ALK: variants seen among roughly 807,000 people sequenced by gnomAD.
ALK encodes ALK tyrosine kinase receptor.
A neutral mutation model predicts 163.1 loss-of-function variants in ALK; 74 were observed. The ratio of observed to expected loss-of-function variants is 0.45; its 90% CI spans 0.38 to 0.55. The LOEUF is 0.55. ALK is among the 20% of genes least tolerant of loss of function. The pLI, the probability that ALK is intolerant of heterozygous loss-of-function variation, is 0.00. For missense variants in ALK, 2,063 were observed against 2,105.3 expected (o/e 0.98, Z 0.39); for synonymous variants, 960 against 843.2 (o/e 1.14, Z -2.40).
intron 5 of ALK, among the ~76,000 whole-genome samples, chr2:29,345,294 G>A (rs1314017144): frequency 6.6e-6 from 1 of 152,004 alleles, no homozygotes; most frequent in Non-Finnish European, 1.5e-5. Flanking sequence ...TACCTGGGAG[G>A]CTGAGGTGGG....
chr2:29,256,200 A>T (rs1451744064), intron 11 of ALK, among the ~76,000 whole-genome samples: 2 of 152,182 alleles, frequency 1.3e-5, no homozygotes, highest in African/African-American at 4.8e-5. Context: ...GTGAGCCTTG[A>T]TCCCCAGGTA....
chr2:29,832,532 C>T (rs190974906), intron 1 of ALK, among the ~76,000 whole-genome samples: 5 of 152,346 alleles, frequency 3.3e-5, no homozygotes, highest in African/African-American at 9.6e-5. Flanking sequence ...CACGAATGCC[C>T]TACATTTCTG....
At chr2:29,374,653 G>A (rs534501129) in intron 5 of ALK, among the ~76,000 whole-genome samples, 4 of 152,280 alleles carry the variant, frequency 2.6e-5, no homozygotes, top group African/African-American at 9.6e-5. Flanking sequence ...TTTGAAAGGT[G>A]GAGGGTGCGC....
intron 1 of ALK, among the ~76,000 whole-genome samples, chr2:29,728,634 G>C (rs1679642659): frequency 6.6e-6 from 1 of 152,210 alleles, no homozygotes; most frequent in Non-Finnish European, 1.5e-5. Flanking sequence ...GCTGATGCTT[G>C]CACTGAGGCC....
chr2:29,506,392 G>A (rs1672322512), intron 4 of ALK, among the ~76,000 whole-genome samples: 1 of 152,156 alleles, frequency 6.6e-6, no homozygotes. Flanking sequence ...CTCATGATCA[G>A]GTATAAACAG....
chr2:29,707,791 C>G (rs1678955042), intron 2 of ALK, among the ~76,000 whole-genome samples: 1 of 152,190 alleles, frequency 6.6e-6, no homozygotes, highest in African/African-American at 2.4e-5. Flanking sequence ...CAAAACCCAC[C>G]TTTTGCTGTG....
Position 29,310,480 on chromosome 2 carries a change from G to A in ALK, c.1647+7824C>T, listed in dbSNP as rs150435806. 2.8e-3 allele frequency among the ~76,000 whole-genome samples: 429 copies of A among 152,314 alleles called. 1 individual carries two copies. The highest frequency in any genetic ancestry group is 4.6e-3 in the Non-Finnish European group (311 of 68,026). ...TAGGGTGCAAAGAGCTAGGGTGTTC[G>A]AAGGCCCTCATTAAGAATAATGGCT... On this transcript the variant is annotated intron_variant, in intron 8 of 28. Coordinates refer to ENST00000389048, the MANE Select transcript of ALK (RefSeq NM_004304.5).
At chr2:29,602,404 T>G (rs1156534456) in intron 3 of ALK, among the ~76,000 whole-genome samples, 1 of 152,204 alleles carries the variant, frequency 6.6e-6, no homozygotes, top group Non-Finnish European at 1.5e-5. Context: ...GAATGAACTC[T>G]TTAATATATA....
At chr2:29,684,997 A>T (rs1173264458) in intron 3 of ALK, among the ~76,000 whole-genome samples, 1 of 152,254 alleles carries the variant, frequency 6.6e-6, no homozygotes, top group Non-Finnish European at 1.5e-5. Flanking sequence ...AGAAAGACTC[A>T]GCTTCCTCTC....
At chr2:29,886,815 C>G (rs1666998143) in intron 1 of ALK, among the ~76,000 whole-genome samples, 1 of 152,230 alleles carries the variant, frequency 6.6e-6, no homozygotes, top group Non-Finnish European at 1.5e-5. Context: ...TAACACAGCA[C>G]AGCGCTTAGC....
intron 11 of ALK, among the ~76,000 whole-genome samples, chr2:29,260,663 C>T (rs561581763): frequency 6.6e-6 from 1 of 152,098 alleles, no homozygotes; most frequent in East Asian, 1.9e-4. Context: ...GTGGTAAAAC[C>T]GTCTCTACTG....
intron 3 of ALK, among the ~76,000 whole-genome samples, chr2:29,609,419 G>A (rs1573496353): frequency 1.3e-5 from 2 of 152,030 alleles, no homozygotes; most frequent in African/African-American, 4.8e-5. Flanking sequence ...ACCCAATCCT[G>A]GTGGCCCACA....
chr2:29,469,741 C>T (rs1327791874), intron 4 of ALK, among the ~76,000 whole-genome samples: 1 of 152,164 alleles, frequency 6.6e-6, no homozygotes, highest in Non-Finnish European at 1.5e-5. Flanking sequence ...TTTAGTCATT[C>T]ATTGAGACTT....
intron 1 of ALK, among the ~76,000 whole-genome samples, chr2:29,878,392 A>T (rs1231850896): frequency 6.6e-6 from 1 of 152,216 alleles, no homozygotes; most frequent in East Asian, 1.9e-4. Context: ...TTACTCTCAC[A>T]ACATTCCTGC....
chr2:29,866,500 C>T (rs1235483386), intron 1 of ALK, among the ~76,000 whole-genome samples: 1 of 152,098 alleles, frequency 6.6e-6, no homozygotes, highest in Non-Finnish European at 1.5e-5. Flanking sequence ...GTTTAGCGGA[C>T]CCTGTCTAAG....
At chr2:29,632,250 T>G (rs192586766) in intron 3 of ALK, among the ~76,000 whole-genome samples, 40 of 152,262 alleles carry the variant, frequency 2.6e-4, no homozygotes, top group African/African-American at 8.9e-4. Context: ...ACAGCCAGGT[T>G]TTCCTTGTAG....
At chr2:29,543,385 A>T (rs1478262140) in intron 3 of ALK, among the ~76,000 whole-genome samples, 1 of 152,200 alleles carries the variant, frequency 6.6e-6, no homozygotes, top group African/African-American at 2.4e-5. Context: ...TTTGTCCTTT[A>T]TGCATAATTT....
At chr2:29,327,148 G>A (rs1290960896) in intron 6 of ALK, among the ~76,000 whole-genome samples, 1 of 152,200 alleles carries the variant, frequency 6.6e-6, no homozygotes, top group East Asian at 1.9e-4. Context: ...GCAGCTGCGG[G>A]GAGCACCATG....
chr2:29,842,065 C>T (rs1665716423), intron 1 of ALK, among the ~76,000 whole-genome samples: 1 of 151,818 alleles, frequency 6.6e-6, no homozygotes, highest in Non-Finnish European at 1.5e-5. Flanking sequence ...TTTTCTCCAT[C>T]CTCCCCCCTC....
Sources: allele counts gnomAD v4.1 joint callset (sites outside exome capture counted in the v4.1 genomes callset), GRCh38; gene constraint gnomAD v4.1.1; transcripts MANE v1.5; gene names NCBI Gene and HGNC (gene_info 2026-07-23, HGNC 2026-07-21).